Variants in SUPT6H observed in about 807,000 individuals in gnomAD.
SUPT6H encodes the protein transcription elongation factor SPT6.
A neutral mutation model predicts 222.3 loss-of-function variants in SUPT6H; 11 were observed. The ratio of observed to expected loss-of-function variants is 0.05; its 90% confidence interval spans 0.03 to 0.08. SUPT6H has a LOEUF of 0.08. Ranked by LOEUF, SUPT6H falls within the 10% of genes least tolerant of loss-of-function variation. The pLI, the probability that SUPT6H is intolerant of heterozygous loss-of-function variation, is 1.00. For synonymous variants in SUPT6H, 762 were observed against 801.2 expected (o/e 0.95, Z 0.83); for missense variants, 1,422 against 2,216.0 (o/e 0.64, Z 7.19).
intron 1 of SUPT6H, among the ~76,000 whole-genome samples, chr17:28,667,423 ATATATATATATATG>A (rs1381771324): frequency 2.2e-5 from 3 of 134,546 alleles, no homozygotes; most frequent in East Asian, 2.1e-4. Context: ...ATATATATAT[ATATATATATATATG>A]TATGTGTGTG....
chr17:28,691,718 C>CTT (rs2031652783), intron 27 of SUPT6H: 3 of 151,842 alleles, frequency 2.0e-5, no homozygotes, highest in Admixed American at 2.0e-4. Context: ...GGCACGGTGG[C>CTT]GGCCACCTGT....
At chr17:28,687,522 A>G (rs745914026) in intron 23 of SUPT6H, 51 bp downstream of exon 23, 3 of 1,576,254 alleles carry the variant, frequency 1.9e-6, no homozygotes, top group East Asian at 4.5e-5. Context: ...TTCATTGAAT[A>G]TGAATATATA....
rs745965909 is a variant in SUPT6H at position 28,675,106 on chromosome 17, C to T, written c.482C>T (p.Ala161Val). 1.2e-6 allele frequency: 2 copies of T among 1,613,810 alleles called. No individual in the cohort carries two copies. Among genetic ancestry groups the T allele is most frequent in the South Asian group, 1.1e-5 (1 of 91,054 alleles). ...GGGGAAGGGGAAGAAGGGCAGGAGGCCATGGAGGCCCCCATGGCTCCTCCA... is the reference window on the plus strand; with the variant it reads ...GGGGAAGGGGAAGAAGGGCAGGAGGTCATGGAGGCCCCCATGGCTCCTCCA... Reference protein sequence around the residue: ...QDGEGEEGQEAMEAPMAPPEE... With the variant: ...QDGEGEEGQEVMEAPMAPPEE... The change falls in exon 5 of 37, where the codon GCC (alanine) becomes GTC (valine). Residue 161 changes from alanine to valine, a missense_variant. This residue lies in a region of SUPT6H where 389 missense variants were observed against 544.6 expected (regional missense o/e 0.71). Transcript: ENST00000314616.
chr17:28,686,231 T>C, intron 19 of SUPT6H, 108 bp from the exon 20 acceptor site: 1 of 1,008,276 alleles, frequency 9.9e-7, no homozygotes, highest in Non-Finnish European at 1.5e-6. Flanking sequence ...GGACCAGATA[T>C]CTTCTGAAGA....
intron 1 of SUPT6H, among the ~76,000 whole-genome samples, chr17:28,663,240 G>A (rs1286923383): frequency 6.6e-6 from 1 of 152,222 alleles, no homozygotes; most frequent in Non-Finnish European, 1.5e-5. Context: ...TAAGTCTTCA[G>A]TGTTTTGATT....
intron 27 of SUPT6H, among the ~76,000 whole-genome samples, chr17:28,692,001 T>C (rs1230258327): frequency 4.0e-5 from 6 of 151,100 alleles, no homozygotes; most frequent in African/African-American, 1.5e-4. Context: ...CTGGGCAACA[T>C]AGCAAGACCC....
rs909268629 is a variant in SUPT6H, at chr17:28,692,860, G to C, written c.3634-836G>C. ...ACTAAAAATACAAAAAATTAGCTGG[G>C]CATGGTGGCGGGCGCTTGTAGTCCC... is the stretch of plus-strand genomic sequence containing the variant. On this transcript the variant is annotated intron_variant, in intron 27 of 36. Transcript: ENST00000314616. 5.4e-5 allele frequency among the ~76,000 whole-genome samples: 8 copies of C among 147,350 alleles called. 1 individual carries two copies. Among genetic ancestry groups the C allele is most frequent in the Non-Finnish European group, 3.0e-5 (2 of 66,876 alleles).
chr17:28,690,991 G>A lies in SUPT6H; in HGVS notation c.3561G>A (p.Ala1187=), dbSNP rs371686401. The A allele has an allele frequency of 7.4e-6, 12 of 1,614,012 alleles. No individual in the cohort carries two copies. The highest frequency in any genetic ancestry group is 1.3e-5 in the African/African-American group (1 of 74,910). ...RRPQGESYDQ[A]IRNDETGLWQ... ...CCCAGGGTGAGAGCTATGACCAGGCGATCCGCAATGATGAGACAGGGCTGT... is the reference window on the plus strand; with the variant it reads ...CCCAGGGTGAGAGCTATGACCAGGCAATCCGCAATGATGAGACAGGGCTGT... The change falls in exon 27 of 37, where the codon GCG becomes GCA. Residue 1187 remains alanine (A), a synonymous_variant. Transcript: ENST00000314616.
intron 31 of SUPT6H, 23 bp from the exon 32 acceptor site, chr17:28,697,883 T>C (rs748052883): frequency 1.2e-6 from 2 of 1,612,538 alleles, no homozygotes; most frequent in Admixed American, 1.7e-5. Context: ...TATCCCAACC[T>C]CTCCCCCTCA....
chr17:28,677,904 C>G, intron 8 of SUPT6H, 88 bp downstream of exon 8: 1 of 1,361,654 alleles, frequency 7.3e-7, no homozygotes, highest in Non-Finnish European at 1.0e-6. Flanking sequence ...TTCATACATC[C>G]GTGTGCCTGG....
At chr17:28,677,967 A>C (rs1267821375) in intron 8 of SUPT6H, 109 bp from the exon 9 acceptor site, 1 of 1,367,778 alleles carries the variant, frequency 7.3e-7, no homozygotes, top group Non-Finnish European at 1.0e-6. Flanking sequence ...TATGAGAAAA[A>C]TTTTTTAGAT....
chr17:28,675,169 TA>T lies in SUPT6H; in HGVS notation c.538+8del, dbSNP rs752050273. On this transcript the variant is annotated splice_region_variant and intron_variant, in intron 5 of 36. Coordinates refer to ENST00000314616, the MANE Select transcript of SUPT6H (RefSeq NM_003170.5). ...GAAGATGATGAGGAGTCAGGTATGT[TA>T]TATTGGGCAGGGAAGCCAGTGTTTG... 1.9e-6 allele frequency: 3 copies of T among 1,602,856 alleles called. No homozygotes were observed. In the East Asian group the frequency reaches 6.7e-5, roughly 36 times the overall value.
chr17:28,671,497 G>A (rs1192161360), intron 1 of SUPT6H, among the ~76,000 whole-genome samples: 2 of 152,196 alleles, frequency 1.3e-5, no homozygotes, highest in African/African-American at 4.8e-5. Context: ...TTACTGGATG[G>A]GGTGAGGAGT....
rs374646312 is a variant in SUPT6H, at chr17:28,701,513, G to A, written c.5069G>A (p.Arg1690Gln). ...QWLQEKEAERRKQKQRLTPRP... is the reference protein window; with the variant it reads ...QWLQEKEAERQKQKQRLTPRP... ...CTGCAGGAAAAGGAGGCAGAACGGCGGAAACAGAAGCAGCGGCTGACACCT... is the reference window on the plus strand; with the variant it reads ...CTGCAGGAAAAGGAGGCAGAACGGCAGAAACAGAAGCAGCGGCTGACACCT... Residue 1690 changes from arginine to glutamine, a missense_variant, in exon 37 of 37, where the codon CGG (arginine) becomes CAG (glutamine). Physicochemically the swap from Arg to Gln is conservative, Grantham distance 43. Around this residue, in one of 13 missense-constraint regions of SUPT6H, gnomAD observed 395 missense variants for 580.6 expected, o/e 0.68. Coordinates refer to ENST00000314616, the MANE Select transcript of SUPT6H (RefSeq NM_003170.5). 88 of 1,614,166 alleles carry A rather than the reference G, an allele frequency of 5.5e-5. No individual in the cohort carries two copies. In the African/African-American group the frequency reaches 6.0e-4, roughly 11 times the overall value.
rs1259422679 is a variant in SUPT6H at position 28,684,881 on chromosome 17, G to A, written c.2407G>A (p.Gly803Arg). The change falls in exon 19 of 37, where the codon GGA becomes AGA. Residue 803 changes from glycine (G) to arginine (R), a missense_variant. Physicochemically the swap from Gly to Arg is moderately radical, Grantham distance 125. This residue lies in a region of SUPT6H where 294 missense variants were observed against 382.1 expected (regional missense o/e 0.77). Transcript: ENST00000314616. ...GTTCTGCGCCCTGGTCAATGGTGAA[G>A]GAGAAGTGACAGACTTCCTTCGACT... ...PVFCALVNGE[G>R]EVTDFLRLPH... 1 of 1,614,232 alleles carries A rather than the reference G, an allele frequency of 6.2e-7. No homozygotes were observed. Among genetic ancestry groups the A allele is most frequent in the Admixed American group, 1.7e-5 (1 of 60,020 alleles).
intron 28 of SUPT6H, among the ~76,000 whole-genome samples, chr17:28,694,564 T>C (rs2031811807): frequency 2.6e-5 from 4 of 152,138 alleles, no homozygotes; most frequent in Admixed American, 2.0e-4. Context: ...TGGGGAAAAA[T>C]AGTTCTAATA....
At chr17:28,675,614 A>G (rs1765019293) in intron 6 of SUPT6H, 129 bp downstream of exon 6, 1 of 896,116 alleles carries the variant, frequency 1.1e-6, no homozygotes. Context: ...CCTGCCTCAA[A>G]TAACCTCTAC....
intron 1 of SUPT6H, chr17:28,670,863 C>A: frequency 6.6e-6 from 1 of 151,526 alleles, no homozygotes; most frequent in Non-Finnish European, 1.5e-5. Context: ...CCAGCCTGGG[C>A]AACAAGAGCG....
At chr17:28,692,961 A>G (rs1041453437) in intron 27 of SUPT6H, among the ~76,000 whole-genome samples, 1 of 148,422 alleles carries the variant, frequency 6.7e-6, no homozygotes, top group Non-Finnish European at 1.5e-5. Context: ...AGATTGTGCC[A>G]CTGCACTCCA....
Sources: allele counts gnomAD v4.1 joint callset (sites outside exome capture counted in the v4.1 genomes callset), GRCh38; gene constraint gnomAD v4.1.1; regional missense constraint gnomAD v4.1.1; transcripts MANE v1.5; gene names NCBI Gene and HGNC (gene_info 2026-07-23, HGNC 2026-07-21).